The following IRAK1BP1 variants were observed in gnomAD, a reference collection of about 807,000 sequenced individuals.
IRAK1BP1 encodes the protein interleukin-1 receptor-associated kinase 1-binding protein 1.
A neutral mutation model predicts 28.0 loss-of-function variants in IRAK1BP1; 24 were observed. The ratio of observed to expected loss-of-function variants is 0.86; its 90% CI spans 0.62 to 1.20. IRAK1BP1 has a LOEUF of 1.20. Ranked by LOEUF, IRAK1BP1 falls within the 50% of genes most tolerant of loss-of-function variation. The probability of loss-of-function intolerance (pLI) is 0.00; values close to 1 mark genes in which losing one functional copy is unlikely to be tolerated. For missense variants in IRAK1BP1, 336 were observed against 316.7 expected (o/e 1.06, Z -0.46); for synonymous variants, 131 against 116.3 (o/e 1.13, Z -0.81).
rs1026859673 is a variant in IRAK1BP1 at position 78,903,087 on chromosome 6, A to C, written c.*4753A>C. 1.2e-5 allele frequency: 18 copies of C among 1,502,982 alleles called. No homozygotes were observed. The highest frequency in any genetic ancestry group is 1.6e-5 in the Non-Finnish European group (18 of 1,117,386). The allele number at this position is 1,502,982 out of a possible 1,614,324, so 93.1% of individuals were successfully genotyped here. A position where few individuals can be genotyped will look rare whatever the true frequency, so the allele number is the denominator to read the frequency against. On this transcript the variant is annotated 3_prime_UTR_variant, in exon 4 of 4. Transcript: ENST00000369940. ...ATCATGAATCCCACATCAAATGAAC[A>C]AATACTGCCTCTGGACTCTGAATGT...
intron 4 of IRAK1BP1, among the ~76,000 whole-genome samples, chr6:78,926,085 AATC>A (rs913087192): frequency 6.6e-6 from 1 of 152,108 alleles, no homozygotes; most frequent in Non-Finnish European, 1.5e-5. Flanking sequence ...CAATATTAGT[AATC>A]ATCAGTGAAA....
At chr6:78,947,965 C>A (rs1384629257), downstream of IRAK1BP1, among the ~76,000 whole-genome samples, 1 of 151,464 alleles carries the variant, frequency 6.6e-6, no homozygotes, top group Non-Finnish European at 1.5e-5. Flanking sequence ...CCCCCTTATA[C>A]TGCAATCAAC....
the IRAK1BP1 span, among the ~76,000 whole-genome samples, chr6:78,964,422 T>A: frequency 2.0e-5 from 3 of 152,188 alleles, no homozygotes; most frequent in African/African-American, 7.2e-5. Context: ...ATTTCTACTA[T>A]GTTAGAAATT....
the IRAK1BP1 span, chr6:78,970,132 C>T: frequency 6.2e-7 from 1 of 1,611,660 alleles, no homozygotes; most frequent in Non-Finnish European, 8.5e-7. Context: ...TAGGTAATCC[C>T]ACTTCATACT....
chr6:78,965,553 C>T, the IRAK1BP1 span: 1 of 531,974 alleles, frequency 1.9e-6, no homozygotes, highest in Admixed American at 3.1e-5. Context: ...ATCTCCCCTA[C>T]TTCAAGGTGT....
At position 78,871,447 on chromosome 6, in the gene IRAK1BP1, C is replaced by T. The variant is rs1182576244; in HGVS notation, c.315+3556C>T. The T allele has an allele frequency of 7.1e-6, 7 of 985,400 alleles. No homozygotes were observed. In the East Asian group the frequency reaches 7.9e-4, roughly 112 times the overall value. The allele number at this position is 985,400 out of a possible 1,614,324, so 61.0% of individuals were successfully genotyped here. A position where few individuals can be genotyped will look rare whatever the true frequency, so the allele number is the denominator to read the frequency against. On this transcript the variant is annotated intron_variant, in intron 1 of 3. Coordinates refer to ENST00000369940, the MANE Select transcript of IRAK1BP1 (RefSeq NM_001010844.4). ...GACACCTTTTCTCCTTTTTGCTTCA[C>T]AACAGACCACCTCAGCCACCATGAC...
At chr6:78,886,041 C>G (rs1322427044) in intron 2 of IRAK1BP1, among the ~76,000 whole-genome samples, 2 of 152,082 alleles carry the variant, frequency 1.3e-5, no homozygotes, top group African/African-American at 4.8e-5. Context: ...GTTTCTGATT[C>G]CAAACATTTT....
At chr6:78,932,349 C>T (rs1480618748) in intron 4 of IRAK1BP1, among the ~76,000 whole-genome samples, 2 of 151,564 alleles carry the variant, frequency 1.3e-5, no homozygotes, top group African/African-American at 4.8e-5. Context: ...TTTCAATGTA[C>T]TTTGACCAGA....
intron 1 of IRAK1BP1, among the ~76,000 whole-genome samples, chr6:78,875,551 TA>T (rs1318299421): frequency 3.3e-5 from 5 of 152,116 alleles, no homozygotes; most frequent in Non-Finnish European, 7.4e-5. Flanking sequence ...TGTGTAGCCA[TA>T]AAAAAGAACA....
At chr6:78,978,790 TA>T in the IRAK1BP1 span, 1 of 1,119,726 alleles carries the variant, frequency 8.9e-7, no homozygotes, top group Non-Finnish European at 1.3e-6. Context: ...AAAATAACTA[TA>T]AAGATAATTA....
At chr6:78,912,616 T>C (rs1772456793) in intron 4 of IRAK1BP1, among the ~76,000 whole-genome samples, 1 of 152,140 alleles carries the variant, frequency 6.6e-6, no homozygotes, top group Admixed American at 6.5e-5. Context: ...ATGTTGTCAA[T>C]AACAGGTTTG....
chr6:78,921,403 C>A (rs117022257), intron 4 of IRAK1BP1, among the ~76,000 whole-genome samples: 4,050 of 152,262 alleles, frequency 0.027, 71 homozygotes, highest in Non-Finnish European at 0.04. Flanking sequence ...GCCAAGGCTT[C>A]AATAGGTAAA....
At position 78,902,351 on chromosome 6, in the gene IRAK1BP1, G is replaced by A. The variant is rs1043220714; in HGVS notation, c.*4017G>A. 1 of 152,886 alleles carries A rather than the reference G, an allele frequency of 6.5e-6. No individual in the cohort carries two copies. Among genetic ancestry groups the A allele is most frequent in the Non-Finnish European group, 1.5e-5 (1 of 68,676 alleles). 9.5% of individuals were successfully genotyped at this position (152,886 alleles called of 1,614,324 possible). ...AGGTCTTGCTATGTTGCCCAGGCTG[G>A]TCTCAAACTCCTGGCTTCAAGCAGT... On this transcript the variant is annotated 3_prime_UTR_variant, in exon 4 of 4. Coordinates refer to ENST00000369940, the MANE Select transcript of IRAK1BP1 (RefSeq NM_001010844.4).
the IRAK1BP1 span, among the ~76,000 whole-genome samples, chr6:78,952,428 GAAA>G: frequency 3.5e-5 from 2 of 57,654 alleles, no homozygotes; most frequent in East Asian, 1.0e-3. Flanking sequence ...AAAAAAAAAA[GAAA>G]AAAAAAAAAG....
intron 4 of IRAK1BP1, among the ~76,000 whole-genome samples, chr6:78,919,506 G>A (rs528424441): frequency 2.6e-5 from 4 of 152,222 alleles, no homozygotes; most frequent in African/African-American, 9.6e-5. Context: ...AATTACAAAG[G>A]TGACATTACA....
At chr6:78,972,770 G>C in the IRAK1BP1 span, among the ~76,000 whole-genome samples, 7 of 152,138 alleles carry the variant, frequency 4.6e-5, no homozygotes, top group Non-Finnish European at 7.3e-5. Context: ...CTGGAAGAAA[G>C]GGTATCAGCA....
At chr6:78,961,383 AATACAAT>A in the IRAK1BP1 span, among the ~76,000 whole-genome samples, 1 of 152,084 alleles carries the variant, frequency 6.6e-6, no homozygotes, top group Non-Finnish European at 1.5e-5. Context: ...TGCTTTATAA[AATACAAT>A]ATAAAGACAG....
chr6:78,897,408 T>C (rs1771927798), intron 2 of IRAK1BP1, among the ~76,000 whole-genome samples: 2 of 152,192 alleles, frequency 1.3e-5, no homozygotes, highest in South Asian at 4.1e-4. Context: ...CATATAGATC[T>C]GAACAGAACT....
the IRAK1BP1 span, among the ~76,000 whole-genome samples, chr6:78,968,165 C>A: frequency 2.0e-5 from 3 of 152,040 alleles, no homozygotes; most frequent in Non-Finnish European, 4.4e-5. Context: ...TTTATCATAT[C>A]AAGTAATGTA....
Sources: gnomAD v4.1 joint callset for allele counts (sites outside exome capture counted in the v4.1 genomes callset) on GRCh38, gnomAD v4.1.1 for gene constraint, MANE v1.5 for transcripts, NCBI Gene and HGNC (gene_info 2026-07-23, HGNC 2026-07-21) for gene names.